The following TXNL4A variants were observed in gnomAD, a reference collection of about 807,000 sequenced individuals.
TXNL4A encodes thioredoxin like 4A.
TXNL4A carries 17 observed loss-of-function variants against 14.6 expected under a neutral mutation model. The ratio of observed to expected loss-of-function variants is 1.16; its 90% CI spans 0.80 to 1.74. TXNL4A has a LOEUF of 1.74. TXNL4A is among the 40% of genes most tolerant of loss of function. The pLI is 0.00. For missense variants in TXNL4A, 74 were observed against 195.2 expected (o/e 0.38, Z 3.70); for synonymous variants, 83 against 70.6 (o/e 1.18, Z -0.88).
chr18:80,020,673 T>A (rs1445926953), intron 1 of TXNL4A, among the ~76,000 whole-genome samples: 1 of 152,196 alleles, frequency 6.6e-6, no homozygotes, highest in Non-Finnish European at 1.5e-5. Flanking sequence ...ATTAAAGGCC[T>A]TCTGAGCCTC....
At chr18:80,006,241 G>T (rs529182728) in intron 1 of TXNL4A, among the ~76,000 whole-genome samples, 1 of 151,770 alleles carries the variant, frequency 6.6e-6, no homozygotes, top group Admixed American at 6.6e-5. Context: ...AAAATTAGCC[G>T]GGTGTGGTGG....
At position 79,988,378 on chromosome 18, in the gene TXNL4A, G is replaced by A. The variant is rs151017707; in HGVS notation, c.15C>T (p.Leu5=). 8.7e-5 allele frequency: 133 copies of A among 1,520,710 alleles called. No individual in the cohort carries two copies. In the African/African-American group the frequency reaches 1.4e-3, roughly 16 times the overall value. 94.2% of individuals were successfully genotyped at this position (1,520,710 alleles called of 1,614,324 possible). Residue 5 remains leucine, a synonymous_variant, in exon 1 of 3, where the codon CTC becomes CTT. Transcript: ENST00000269601. MSYM[L]PHLHNGWQVD... ...CCTGCCAGCCGTTGTGCAGGTGCGG[G>A]AGCATGTACGACATGGCGGCCCGCG...
chr18:79,985,584 A>G (rs2051534656), intron 1 of TXNL4A, among the ~76,000 whole-genome samples: 3 of 152,212 alleles, frequency 2.0e-5, no homozygotes, highest in South Asian at 2.1e-4. Context: ...CACTTTATCA[A>G]ATGAATTGCC....
intron 1 of TXNL4A, among the ~76,000 whole-genome samples, chr18:80,014,242 C>A (rs2051791722): frequency 6.6e-6 from 1 of 152,122 alleles, no homozygotes; most frequent in Admixed American, 6.6e-5. Flanking sequence ...CCCCCAAAGT[C>A]TTAACTCATT....
At chr18:80,026,327 C>G (rs546177622) in intron 1 of TXNL4A, among the ~76,000 whole-genome samples, 1 of 152,278 alleles carries the variant, frequency 6.6e-6, no homozygotes, top group East Asian at 1.9e-4. Flanking sequence ...GTCTGAGAAC[C>G]CTTCCCTCCC....
At chr18:79,975,530 C>T (rs1215729158) in intron 2 of TXNL4A, among the ~76,000 whole-genome samples, 1 of 152,234 alleles carries the variant, frequency 6.6e-6, no homozygotes, top group Non-Finnish European at 1.5e-5. Context: ...CCACTGCACG[C>T]TGTGGGGGGC....
intron 1 of TXNL4A, among the ~76,000 whole-genome samples, chr18:80,006,740 G>T (rs905150259): frequency 6.6e-6 from 1 of 152,048 alleles, no homozygotes; most frequent in African/African-American, 2.4e-5. Context: ...CAGAGTGAGG[G>T]GGGTTCTGAG....
intron 2 of TXNL4A, among the ~76,000 whole-genome samples, chr18:79,974,505 G>C (rs2051349405): frequency 6.6e-6 from 1 of 152,136 alleles, no homozygotes; most frequent in Non-Finnish European, 1.5e-5. Context: ...CTGGTTTGTT[G>C]AAGTTTCTTT....
intron 1 of TXNL4A, among the ~76,000 whole-genome samples, chr18:80,018,690 G>C (rs899910723): frequency 6.6e-6 from 1 of 152,198 alleles, no homozygotes; most frequent in Non-Finnish European, 1.5e-5. Context: ...ACTACCATCA[G>C]AGAATACTAC....
upstream of TXNL4A, among the ~76,000 whole-genome samples, chr18:79,992,021 C>A (rs984533570): frequency 6.6e-6 from 1 of 152,134 alleles, no homozygotes; most frequent in African/African-American, 2.4e-5. Context: ...AGACTCAAAG[C>A]GGGAAGGGGG....
chr18:80,016,945 C>A (rs956297490), intron 1 of TXNL4A, among the ~76,000 whole-genome samples: 7 of 152,114 alleles, frequency 4.6e-5, no homozygotes, highest in African/African-American at 1.7e-4. Context: ...TCTATAATTA[C>A]CTTGGGCAGT....
chr18:79,989,895 C>G (rs1456648059), upstream of TXNL4A, among the ~76,000 whole-genome samples: 1 of 152,196 alleles, frequency 6.6e-6, no homozygotes, highest in Non-Finnish European at 1.5e-5. Flanking sequence ...ACTAGGGAGG[C>G]TGAGGCAGGA....
At chr18:80,024,227 T>G (rs989008527) in intron 1 of TXNL4A, among the ~76,000 whole-genome samples, 4 of 152,070 alleles carry the variant, frequency 2.6e-5, no homozygotes, top group Middle Eastern at 6.3e-3. Context: ...GTTTTTCCAC[T>G]GGCTTCCATC....
intron 1 of TXNL4A, among the ~76,000 whole-genome samples, chr18:80,028,847 C>T (rs2051902351): frequency 6.6e-6 from 1 of 152,186 alleles, no homozygotes; most frequent in Admixed American, 6.5e-5. Context: ...AAAAAATGTA[C>T]AACATGTATC....
intron 1 of TXNL4A, among the ~76,000 whole-genome samples, chr18:80,022,041 T>A (rs982267007): frequency 3.3e-5 from 5 of 152,186 alleles, no homozygotes; most frequent in African/African-American, 1.2e-4. Flanking sequence ...TAGCATCTTT[T>A]AAGTTAGATT....
intron 1 of TXNL4A, among the ~76,000 whole-genome samples, chr18:79,983,243 C>T (rs1336078588): frequency 2.0e-5 from 3 of 152,168 alleles, no homozygotes; most frequent in African/African-American, 4.8e-5. Flanking sequence ...TCAGATGATT[C>T]GCCTGCCTCG....
At chr18:80,023,852 C>G (rs2051866223) in intron 1 of TXNL4A, among the ~76,000 whole-genome samples, 1 of 152,192 alleles carries the variant, frequency 6.6e-6, no homozygotes. Flanking sequence ...AATATCCCAC[C>G]CTTTCCCCTT....
intron 1 of TXNL4A, among the ~76,000 whole-genome samples, chr18:79,980,798 C>T (rs1295866588): frequency 6.6e-6 from 1 of 152,136 alleles, no homozygotes; most frequent in Non-Finnish European, 1.5e-5. Flanking sequence ...CATCCATGTG[C>T]TTTCAAAACC....
chr18:80,022,901 C>T (rs901183533), intron 1 of TXNL4A, among the ~76,000 whole-genome samples: 13 of 152,152 alleles, frequency 8.5e-5, no homozygotes, highest in African/African-American at 3.1e-4. Context: ...CTGTGCAAGA[C>T]CCTAGCTTTC....
Sources: gnomAD v4.1 joint callset for allele counts (sites outside exome capture counted in the v4.1 genomes callset) on GRCh38, gnomAD v4.1.1 for gene constraint, MANE v1.5 for transcripts, NCBI Gene and HGNC (gene_info 2026-07-23, HGNC 2026-07-21) for gene names.